CTDSPL2: variants seen among roughly 807,000 people sequenced by gnomAD.
CTDSPL2 encodes CTD small phosphatase like 2, also known as CTD small phosphatase-like protein 2.
CTDSPL2 carries 5 observed loss-of-function variants against 60.0 expected under a neutral mutation model. The ratio of observed to expected loss-of-function variants is 0.08; its 90% CI spans 0.04 to 0.18. The LOEUF (loss-of-function observed/expected upper bound fraction) is 0.18, where lower values mean the gene tolerates loss of function less well. CTDSPL2 is among the 10% of genes least tolerant of loss of function. CTDSPL2 has a pLI of 1.00. For missense variants in CTDSPL2, 370 were observed against 548.8 expected, an observed-to-expected ratio of 0.67 and a Z score of 3.26; for synonymous variants, 186 against 189.3, an observed-to-expected ratio of 0.98 and a Z score of 0.14.
In CTDSPL2 at chr15:44,520,930, A is replaced by G. The variant is rs182111756; in HGVS notation, c.1240-381A>G. 7.6e-4 allele frequency: 117 copies of G among 153,358 alleles called. 1 individual carries two copies. The highest frequency in any genetic ancestry group is 3.4e-3 in the Middle Eastern group (1 of 296). 9.5% of individuals were successfully genotyped at this position (153,358 alleles called of 1,614,324 possible). On this transcript the variant is annotated intron_variant, in intron 11 of 12. Coordinates refer to ENST00000260327, the MANE Select transcript of CTDSPL2 (RefSeq NM_016396.3). ...GGGAAAAAAAAGTATAGGCTTTTCT[A>G]TATTCTCTTTAGATTGGCAGTGTCC...
rs199682112 is a variant in CTDSPL2 at position 44,458,249 on chromosome 15, C to T, written c.-24-742C>T. On this transcript the variant is annotated intron_variant, in intron 1 of 12. Coordinates refer to ENST00000260327, the MANE Select transcript of CTDSPL2 (RefSeq NM_016396.3). Reference sequence around the variant, plus strand: ...TTAAAATTCACATCTCTTAATTCTTCGTTTAGTATTCTTTGTATTGTGTTT... The same window carrying T: ...TTAAAATTCACATCTCTTAATTCTTTGTTTAGTATTCTTTGTATTGTGTTT... 9.8e-5 allele frequency among the ~76,000 whole-genome samples: 15 copies of T among 152,308 alleles called. No homozygotes were observed. The East Asian group carries it at 2.1e-3, about 22-fold the overall frequency.
At chr15:44,522,601 A>G (rs2081800180) in intron 12 of CTDSPL2, among the ~76,000 whole-genome samples, 1 of 151,984 alleles carries the variant, frequency 6.6e-6, no homozygotes, top group African/African-American at 2.4e-5. Context: ...AAAAATATAA[A>G]AATGAGCTGG....
In CTDSPL2 at chr15:44,427,630, C is replaced by G; in HGVS notation, c.-167C>G. ...CATCCGGGTCCCTGTCCGTGCGGTG[C>G]AGCAGGTCGGTAGGCGGGAAATGGC... On this transcript the variant is annotated 5_prime_UTR_variant, in exon 1 of 13. Coordinates refer to ENST00000260327, the MANE Select transcript of CTDSPL2 (RefSeq NM_016396.3). The G allele has an allele frequency of 2.5e-6, 1 of 399,198 alleles. No individual in the cohort carries two copies. The allele number at this position is 399,198 out of a possible 1,614,324, so 24.7% of individuals were successfully genotyped here.
intron 5 of CTDSPL2, among the ~76,000 whole-genome samples, chr15:44,494,409 C>T (rs2081263524): frequency 6.6e-6 from 1 of 152,044 alleles, no homozygotes; most frequent in Non-Finnish European, 1.5e-5. Context: ...AGTTCAAGAC[C>T]AGCCTGGGCA....
At chr15:44,448,250 G>A (rs950059998) in intron 1 of CTDSPL2, 1 of 292,636 alleles carries the variant, frequency 3.4e-6, no homozygotes, top group Admixed American at 3.9e-5. Flanking sequence ...GAGCCACTGC[G>A]CTCCGTGACC....
intron 1 of CTDSPL2, among the ~76,000 whole-genome samples, chr15:44,438,218 C>T (rs1007909334): frequency 4.6e-5 from 7 of 150,764 alleles, no homozygotes; most frequent in East Asian, 2.0e-4. Flanking sequence ...GAGCTGAGAT[C>T]GCGCCACTGC....
At chr15:44,445,987 G>A (rs1480454074) in intron 1 of CTDSPL2, among the ~76,000 whole-genome samples, 6 of 141,168 alleles carry the variant, frequency 4.3e-5, no homozygotes, top group African/African-American at 1.3e-4. Context: ...GTGCAGTGGC[G>A]CGATCTAGGC....
chr15:44,504,477 A>G (rs1405637543), intron 8 of CTDSPL2, among the ~76,000 whole-genome samples: 3 of 152,200 alleles, frequency 2.0e-5, no homozygotes, highest in Non-Finnish European at 4.4e-5. Flanking sequence ...TTAAATTTAT[A>G]ATTTTGTAGT....
Position 44,514,517 on chromosome 15 carries a change from G to C in CTDSPL2, c.970-81G>C. 1.5e-5 allele frequency: 13 copies of C among 842,022 alleles called. No individual in the cohort carries two copies. In the South Asian group the frequency reaches 1.7e-4, roughly 11 times the overall value. 52.2% of individuals were successfully genotyped at this position (842,022 alleles called of 1,614,324 possible). On this transcript the variant is annotated intron_variant, in intron 8 of 12. Transcript: ENST00000260327. ...CATGAACTTTTTCATTATAATCAAA[G>C]TTAGAATACAGCACATCTTAAAAAG... is the stretch of plus-strand genomic sequence containing the variant.
intron 2 of CTDSPL2, among the ~76,000 whole-genome samples, chr15:44,464,182 T>C (rs184436113): frequency 6.0e-4 from 92 of 152,328 alleles, no homozygotes; most frequent in Non-Finnish European, 9.0e-4. Flanking sequence ...CAACAGCTCT[T>C]ACTTATGGTT....
intron 2 of CTDSPL2, among the ~76,000 whole-genome samples, chr15:44,472,811 A>G (rs1003900714): frequency 6.6e-5 from 10 of 152,176 alleles, no homozygotes; most frequent in African/African-American, 2.4e-4. Flanking sequence ...TTACAGGCAC[A>G]TGCCACCAAG....
intron 1 of CTDSPL2, among the ~76,000 whole-genome samples, chr15:44,454,260 C>A (rs1004954226): frequency 6.6e-6 from 1 of 152,174 alleles, no homozygotes; most frequent in African/African-American, 2.4e-5. Context: ...ATCCTTCACC[C>A]ACTTTTTGAT....
chr15:44,462,641 T>C (rs2080596133), intron 2 of CTDSPL2, among the ~76,000 whole-genome samples: 1 of 151,130 alleles, frequency 6.6e-6, no homozygotes, highest in Non-Finnish European at 1.5e-5. Context: ...TAACAGGCCA[T>C]GGACTGGTAC....
chr15:44,483,264 A>G (rs2081062170), intron 2 of CTDSPL2, among the ~76,000 whole-genome samples: 2 of 146,342 alleles, frequency 1.4e-5, no homozygotes, highest in South Asian at 4.2e-4. Context: ...CTCTGTCTCA[A>G]AAAAAAAAAA....
intron 8 of CTDSPL2, among the ~76,000 whole-genome samples, chr15:44,510,502 A>G (rs1338564978): frequency 2.6e-5 from 4 of 152,216 alleles, no homozygotes; most frequent in Non-Finnish European, 5.9e-5. Flanking sequence ...AAAATATTAA[A>G]ATTATTTGTA....
In CTDSPL2 at chr15:44,509,233, G is replaced by C. The variant is rs1399807097; in HGVS notation, c.970-5365G>C. On this transcript the variant is annotated intron_variant, in intron 8 of 12. Coordinates refer to ENST00000260327, the MANE Select transcript of CTDSPL2 (RefSeq NM_016396.3). ...TTTAATTTTTTTGAGACACAGTCTT[G>C]CTTGATCACCCAGGCTGGAGTGCAG... is the stretch of plus-strand genomic sequence containing the variant. Among the ~76,000 whole-genome samples the C allele has an allele frequency of 2.0e-5, 3 of 151,410 alleles. No individual in the cohort carries two copies. In the East Asian group the frequency reaches 5.8e-4, roughly 29 times the overall value.
intron 2 of CTDSPL2, among the ~76,000 whole-genome samples, chr15:44,465,359 T>G (rs961797773): frequency 6.6e-6 from 1 of 152,200 alleles, no homozygotes; most frequent in Non-Finnish European, 1.5e-5. Flanking sequence ...AATGACCTTT[T>G]CCTCTATTCT....
At chr15:44,501,040 C>G (rs1273230051) in intron 8 of CTDSPL2, among the ~76,000 whole-genome samples, 1 of 152,060 alleles carries the variant, frequency 6.6e-6, no homozygotes. Context: ...TTTCTTAAGA[C>G]CTTTTTTATC....
intron 1 of CTDSPL2, chr15:44,448,922 CA>C: frequency 2.4e-6 from 1 of 415,684 alleles, no homozygotes; most frequent in Non-Finnish European, 4.5e-6. Context: ...GTGGACTGTT[CA>C]AAAGTAACAG....
Sources: gnomAD v4.1 joint callset for allele counts (sites outside exome capture counted in the v4.1 genomes callset) on GRCh38, gnomAD v4.1.1 for gene constraint, MANE v1.5 for transcripts, NCBI Gene and HGNC (gene_info 2026-07-23, HGNC 2026-07-21) for gene names.